GUCY1A1: variants seen among roughly 807,000 people sequenced by gnomAD.
GUCY1A1 encodes the protein guanylate cyclase soluble subunit alpha-1.
Under a neutral mutation model 64.5 loss-of-function variants are expected in GUCY1A1, and 48 were observed. The ratio of observed to expected loss-of-function variants is 0.74; its 90% confidence interval spans 0.59 to 0.95. The LOEUF is 0.95. Among genes scored for constraint, GUCY1A1 ranks in the 40% least tolerant of loss-of-function variants. GUCY1A1 has a pLI of 0.00. For synonymous variants in GUCY1A1, 308 were observed against 303.4 expected (o/e 1.02, Z -0.16); for missense variants, 804 against 825.3 (o/e 0.97, Z 0.32).
At chr4:155,705,731 ATCATCT>A (rs1456232262) in intron 4 of GUCY1A1, among the ~76,000 whole-genome samples, 1 of 152,154 alleles carries the variant, frequency 6.6e-6, no homozygotes, top group East Asian at 1.9e-4. Flanking sequence ...CTCATGAGTG[ATCATCT>A]GCTCTGTGGA....
chr4:155,708,191 C>T (rs1454760561), intron 4 of GUCY1A1, 45 bp from the exon 5 acceptor site: 1 of 910,738 alleles, frequency 1.1e-6, no homozygotes, highest in East Asian at 2.4e-5. Context: ...GAACTTTTAG[C>T]ATGTATTTAT....
intron 3 of GUCY1A1, among the ~76,000 whole-genome samples, chr4:155,700,081 C>A (rs1361688547): frequency 6.6e-6 from 1 of 152,134 alleles, no homozygotes; most frequent in Non-Finnish European, 1.5e-5. Context: ...CAACCCATTG[C>A]TCTTCATAAT....
At chr4:155,696,411 G>A (rs1256136942) in intron 2 of GUCY1A1, among the ~76,000 whole-genome samples, 1 of 152,140 alleles carries the variant, frequency 6.6e-6, no homozygotes, top group Non-Finnish European at 1.5e-5. Flanking sequence ...CTTAGATGTG[G>A]CTTTTGTCAT....
At chr4:155,673,075 C>T (rs1734368542) in intron 2 of GUCY1A1, among the ~76,000 whole-genome samples, 1 of 146,670 alleles carries the variant, frequency 6.8e-6, no homozygotes, top group African/African-American at 2.8e-5. Flanking sequence ...CCAGTGTGCT[C>T]TTCCTATATC....
At chr4:155,722,432 T>G in intron 9 of GUCY1A1, 1 of 1,326,202 alleles carries the variant, frequency 7.5e-7, no homozygotes, top group Non-Finnish European at 9.6e-7. Context: ...TATTACATAG[T>G]CTTCCATCAT....
At chr4:155,728,122 A>G (rs533422778) in intron 9 of GUCY1A1, among the ~76,000 whole-genome samples, 1 of 151,930 alleles carries the variant, frequency 6.6e-6, no homozygotes, top group Non-Finnish European at 1.5e-5. Flanking sequence ...GAATCCACTC[A>G]GTATTATGTT....
chr4:155,717,608 G>A (rs1022527842), intron 8 of GUCY1A1, among the ~76,000 whole-genome samples: 2 of 152,128 alleles, frequency 1.3e-5, no homozygotes, highest in African/African-American at 2.4e-5. Flanking sequence ...GCAAACTTCA[G>A]AACAACTGCA....
At chr4:155,702,097 G>A (rs1299825573) in intron 3 of GUCY1A1, among the ~76,000 whole-genome samples, 2 of 152,068 alleles carry the variant, frequency 1.3e-5, no homozygotes, top group African/African-American at 4.8e-5. Flanking sequence ...TTTGGATGGA[G>A]GGGTAAGCAA....
intron 3 of GUCY1A1, among the ~76,000 whole-genome samples, chr4:155,701,246 C>A (rs1731046831): frequency 6.6e-6 from 1 of 152,132 alleles, no homozygotes; most frequent in African/African-American, 2.4e-5. Flanking sequence ...TCCATAAAAG[C>A]CTATTCACTC....
chr4:155,726,636 CA>C (rs1332752006), intron 9 of GUCY1A1, among the ~76,000 whole-genome samples: 2 of 149,926 alleles, frequency 1.3e-5, no homozygotes, highest in African/African-American at 2.4e-5. Context: ...ATACCTATAC[CA>C]AAAAAAAACC....
At chr4:155,722,823 A>G (rs1258940771) in intron 9 of GUCY1A1, among the ~76,000 whole-genome samples, 3 of 152,184 alleles carry the variant, frequency 2.0e-5, no homozygotes, top group African/African-American at 2.4e-5. Flanking sequence ...TCCCAAATGC[A>G]GAGCTTCCAT....
At chr4:155,708,400 T>G in intron 5 of GUCY1A1, 106 bp downstream of exon 5, 1 of 655,152 alleles carries the variant, frequency 1.5e-6, no homozygotes, top group Non-Finnish European at 2.8e-6. Flanking sequence ...CAGTATGAAG[T>G]GTTCAATATT....
chr4:155,726,246 A>C (rs1235885487), intron 9 of GUCY1A1, among the ~76,000 whole-genome samples: 1 of 152,008 alleles, frequency 6.6e-6, no homozygotes, highest in Admixed American at 6.6e-5. Context: ...ATACTGTCTT[A>C]TTTAGGCAAA....
In GUCY1A1 at chr4:155,734,197, A is replaced by C. The variant is rs115698263; in HGVS notation, c.*3966A>C. ...AGCAAATGAAAGAGATGAATAAACAAGAGTGTCTAGTCTAACTAGTGCCTG... is the reference window on the plus strand; with the variant it reads ...AGCAAATGAAAGAGATGAATAAACACGAGTGTCTAGTCTAACTAGTGCCTG... On this transcript the variant is annotated 3_prime_UTR_variant, in exon 10 of 10. Coordinates refer to ENST00000506455, the MANE Select transcript of GUCY1A1 (RefSeq NM_001130682.3). Among the ~76,000 whole-genome samples the C allele has an allele frequency of 2.7e-3, 404 of 152,042 alleles. 3 individuals are homozygous for C. The highest frequency in any genetic ancestry group is 9.1e-3 in the African/African-American group (377 of 41,512).
At chr4:155,683,308 G>T (rs6848944) in intron 2 of GUCY1A1, among the ~76,000 whole-genome samples, 151,878 of 152,342 alleles carry the variant, frequency 1, 75,710 homozygotes, top group Middle Eastern at 1. Flanking sequence ...GTCATTTACA[G>T]AGGTGTGTTT....
chr4:155,683,597 T>C (rs1221290260), intron 2 of GUCY1A1, among the ~76,000 whole-genome samples: 1 of 152,156 alleles, frequency 6.6e-6, no homozygotes, highest in African/African-American at 2.4e-5. Context: ...AAAATGTGTT[T>C]AGAGATTTGA....
chr4:155,708,462 T>C (rs1732103222), intron 5 of GUCY1A1, among the ~76,000 whole-genome samples, 168 bp downstream of exon 5: 1 of 152,158 alleles, frequency 6.6e-6, no homozygotes, highest in Admixed American at 6.5e-5. Flanking sequence ...TATGTTTTTG[T>C]TTGACCTAAA....
At chr4:155,696,248 GGT>G (rs1339648195) in intron 2 of GUCY1A1, among the ~76,000 whole-genome samples, 1 of 151,106 alleles carries the variant, frequency 6.6e-6, no homozygotes, top group Non-Finnish European at 1.5e-5. Context: ...TTTCTAAGTT[GGT>G]GTTTCAAATC....
At position 155,690,259 on chromosome 4, in the gene GUCY1A1, T is replaced by C. The variant is rs367659059; in HGVS notation, c.-112-6497T>C. Among the ~76,000 whole-genome samples the C allele has an allele frequency of 1.4e-4, 21 of 152,226 alleles. No homozygotes were observed. In the East Asian group the frequency reaches 3.5e-3, roughly 25 times the overall value. ...GAAGTAAAGTCAGAGGAATGTGTCTTCCCTCTGCTTTGGTCCCCACACCCA... is the reference window on the plus strand; with the variant it reads ...GAAGTAAAGTCAGAGGAATGTGTCTCCCCTCTGCTTTGGTCCCCACACCCA... On this transcript the variant is annotated intron_variant, in intron 2 of 9. Transcript: ENST00000506455.
Sources: gnomAD v4.1 joint callset for allele counts (sites outside exome capture counted in the v4.1 genomes callset) on GRCh38, gnomAD v4.1.1 for gene constraint, MANE v1.5 for transcripts, NCBI Gene and HGNC (gene_info 2026-07-23, HGNC 2026-07-21) for gene names.